The following ACTR3C variants were observed in gnomAD, a reference collection of about 807,000 sequenced individuals.
The protein encoded by ACTR3C is actin related protein 3C, also known as actin-related protein 3C.
ACTR3C carries 18 observed loss-of-function variants against 26.3 expected under a neutral mutation model. The ratio of observed to expected loss-of-function variants is 0.68; its 90% CI spans 0.47 to 1.01. ACTR3C has a LOEUF of 1.01. Ranked by LOEUF, ACTR3C falls within the 50% of genes least tolerant of loss-of-function variation. The probability of loss-of-function intolerance (pLI) is 0.00; values close to 1 mark genes in which losing one functional copy is unlikely to be tolerated. For synonymous variants in ACTR3C, 55 were observed against 94.5 expected (o/e 0.58, Z 2.42); for missense variants, 184 against 250.7 (o/e 0.73, Z 1.80).
chr7:149,942,069 C>T, the ACTR3C span, among the ~76,000 whole-genome samples: 1 of 152,224 alleles, frequency 6.6e-6, no homozygotes, highest in Non-Finnish European at 1.5e-5. Flanking sequence ...TCTCACCATT[C>T]GTGAGCTCGA....
chr7:150,295,121 G>A (rs1836626284), intron 2 of ACTR3C, 131 bp downstream of exon 2: 2 of 1,095,126 alleles, frequency 1.8e-6, no homozygotes, highest in Non-Finnish European at 1.3e-6. Flanking sequence ...AATGGCATGG[G>A]GACGGGGGAG....
At chr7:150,228,786 A>T in the ACTR3C span, among the ~76,000 whole-genome samples, 1 of 150,614 alleles carries the variant, frequency 6.6e-6, no homozygotes, top group Non-Finnish European at 1.5e-5. Flanking sequence ...ACTATAAAAA[A>T]ATTTAAAAAT....
the ACTR3C span, among the ~76,000 whole-genome samples, chr7:149,994,365 A>G: frequency 6.6e-6 from 1 of 152,302 alleles, no homozygotes; most frequent in South Asian, 2.1e-4. Context: ...TGGGAGGCTG[A>G]GGCGGGCGGA....
chr7:149,953,963 C>A, the ACTR3C span, among the ~76,000 whole-genome samples: 1 of 140,198 alleles, frequency 7.1e-6, no homozygotes, highest in African/African-American at 2.7e-5. Context: ...CAATTCTGAA[C>A]TTCATTTATG....
intron 3 of ACTR3C, among the ~76,000 whole-genome samples, chr7:150,289,857 A>G (rs1255904456): frequency 6.6e-6 from 1 of 151,966 alleles, no homozygotes; most frequent in Non-Finnish European, 1.5e-5. Context: ...CATTAGGAAT[A>G]TGAAAAGAAA....
chr7:150,082,947 CTTTTTTTT>C, the ACTR3C span, among the ~76,000 whole-genome samples: 1 of 108,550 alleles, frequency 9.2e-6, no homozygotes, highest in Non-Finnish European at 1.8e-5. Flanking sequence ...TTTTTTTTTT[CTTTTTTTT>C]TTTTTTTCAG....
the ACTR3C span, among the ~76,000 whole-genome samples, chr7:149,983,449 G>GTATATATATATATATA: frequency 1.2e-3 from 28 of 23,244 alleles, 2 homozygotes; most frequent in African/African-American, 2.9e-3. Context: ...GTGTGTGTGT[G>GTATATATATATATATA]TATATATATA....
At chr7:150,070,209 G>T in the ACTR3C span, among the ~76,000 whole-genome samples, 2 of 152,156 alleles carry the variant, frequency 1.3e-5, no homozygotes, top group African/African-American at 4.8e-5. Context: ...TGGAGGCTCT[G>T]GGAGGGCCTC....
At chr7:150,205,706 C>T in the ACTR3C span, among the ~76,000 whole-genome samples, 1 of 152,124 alleles carries the variant, frequency 6.6e-6, no homozygotes, top group Non-Finnish European at 1.5e-5. Flanking sequence ...CTCATAGATA[C>T]CCTCTATTTT....
chr7:150,089,329 C>G, the ACTR3C span, among the ~76,000 whole-genome samples: 21 of 152,330 alleles, frequency 1.4e-4, no homozygotes, highest in African/African-American at 4.1e-4. Context: ...CAAACGCCAG[C>G]TGAAAGGACA....
At chr7:149,907,890 T>C in the ACTR3C span, among the ~76,000 whole-genome samples, 3 of 152,124 alleles carry the variant, frequency 2.0e-5, no homozygotes, top group Non-Finnish European at 4.4e-5. Context: ...GGCATTCACA[T>C]TAATGAAATT....
At chr7:149,955,540 G>C in the ACTR3C span, among the ~76,000 whole-genome samples, 11,421 of 151,728 alleles carry the variant, frequency 0.075, 1,301 homozygotes, top group African/African-American at 0.25. Flanking sequence ...GGGAGTCGCA[G>C]TGAGGAAGGG....
At chr7:150,118,654 A>C in the ACTR3C span, among the ~76,000 whole-genome samples, 2 of 144,706 alleles carry the variant, frequency 1.4e-5, no homozygotes, top group Non-Finnish European at 3.0e-5. Flanking sequence ...AAGTTGGAAA[A>C]CACACTTCAG....
the ACTR3C span, among the ~76,000 whole-genome samples, chr7:150,105,399 A>G: frequency 6.6e-6 from 1 of 151,970 alleles, no homozygotes; most frequent in African/African-American, 2.4e-5. Context: ...TCCTTCTTAA[A>G]GGAACTCACG....
the ACTR3C span, among the ~76,000 whole-genome samples, chr7:150,133,418 T>C: frequency 0.31 from 47,345 of 151,882 alleles, 7,633 homozygotes; most frequent in East Asian, 0.5. Flanking sequence ...TCCTTGTTCA[T>C]GCTCCGGCCT....
the ACTR3C span, among the ~76,000 whole-genome samples, chr7:150,201,772 T>C: frequency 6.6e-6 from 1 of 151,950 alleles, no homozygotes; most frequent in Non-Finnish European, 1.5e-5. Context: ...AAAAAGTTTC[T>C]CACTTTTTTG....
the ACTR3C span, among the ~76,000 whole-genome samples, chr7:150,035,118 G>T: frequency 7.2e-6 from 1 of 139,530 alleles, no homozygotes; most frequent in Non-Finnish European, 1.6e-5. Flanking sequence ...CAGTCCTCCA[G>T]GTAGGTCCTA....
chr7:149,884,019 C>T, the ACTR3C span, among the ~76,000 whole-genome samples: 1 of 152,186 alleles, frequency 6.6e-6, no homozygotes, highest in Non-Finnish European at 1.5e-5. Flanking sequence ...AGGTGCTGCT[C>T]CTGCTGGCCA....
At chr7:150,197,718 T>A in the ACTR3C span, among the ~76,000 whole-genome samples, 1 of 152,354 alleles carries the variant, frequency 6.6e-6, no homozygotes, top group Non-Finnish European at 1.5e-5. Context: ...ATCACACGGA[T>A]GATTACATTT....
Sources: gnomAD v4.1 joint callset for allele counts (sites outside exome capture counted in the v4.1 genomes callset) on GRCh38, gnomAD v4.1.1 for gene constraint, MANE v1.5 for transcripts, NCBI Gene and HGNC (gene_info 2026-07-23, HGNC 2026-07-21) for gene names.